TGFBR3: variants seen among roughly 807,000 people sequenced by gnomAD.
TGFBR3 encodes the protein transforming growth factor beta receptor 3, also known as transforming growth factor beta receptor type 3.
Under a neutral mutation model 87.9 loss-of-function variants are expected in TGFBR3, and 46 were observed. The ratio of observed to expected loss-of-function variants is 0.52; its 90% CI spans 0.41 to 0.67. The LOEUF is 0.67. TGFBR3 is among the 30% of genes least tolerant of loss of function. The pLI, the probability that TGFBR3 is intolerant of heterozygous loss-of-function variation, is 0.00. For synonymous variants in TGFBR3, 381 were observed against 391.6 expected (o/e 0.97, Z 0.32); for missense variants, 866 against 1,041.9 (o/e 0.83, Z 2.32).
intron 1 of TGFBR3, among the ~76,000 whole-genome samples, chr1:91,904,186 A>G (rs1159451132): frequency 6.6e-6 from 1 of 152,170 alleles, no homozygotes; most frequent in East Asian, 1.9e-4. Context: ...TGTCTCAAAA[A>G]ACTATAGTAA....
chr1:91,685,415 C>G (rs561215582), intron 16 of TGFBR3, among the ~76,000 whole-genome samples: 5 of 151,384 alleles, frequency 3.3e-5, no homozygotes, highest in Non-Finnish European at 7.4e-5. Flanking sequence ...CTCCACCCCC[C>G]GGGTTCAAGC....
At chr1:91,873,621 CCT>C (rs1246597527) in intron 1 of TGFBR3, among the ~76,000 whole-genome samples, 1 of 152,076 alleles carries the variant, frequency 6.6e-6, no homozygotes, top group Admixed American at 6.5e-5. Context: ...TTTTTAATGC[CCT>C]GAGTGCACCT....
At chr1:91,791,116 T>G (rs1016603201) in intron 3 of TGFBR3, among the ~76,000 whole-genome samples, 1 of 152,230 alleles carries the variant, frequency 6.6e-6, no homozygotes, top group Non-Finnish European at 1.5e-5. Flanking sequence ...GTCTGAATAC[T>G]GAAGCTCTTG....
At chr1:91,687,244 AG>A (rs1254021394) in intron 16 of TGFBR3, among the ~76,000 whole-genome samples, 1 of 152,226 alleles carries the variant, frequency 6.6e-6, no homozygotes, top group Non-Finnish European at 1.5e-5. Context: ...TCCTGAGGCC[AG>A]GAGTTAGAGA....
At chr1:91,699,720 G>A (rs566632327) in intron 14 of TGFBR3, among the ~76,000 whole-genome samples, 4 of 152,280 alleles carry the variant, frequency 2.6e-5, no homozygotes, top group Non-Finnish European at 4.4e-5. Flanking sequence ...CGTGTGACTA[G>A]AGCCCAAGGT....
At chr1:91,842,379 C>T (rs1677319462) in intron 2 of TGFBR3, among the ~76,000 whole-genome samples, 1 of 152,134 alleles carries the variant, frequency 6.6e-6, no homozygotes. Context: ...ATGAGGAAAA[C>T]TACCAATACA....
intron 2 of TGFBR3, among the ~76,000 whole-genome samples, chr1:91,859,908 CAA>C (rs544117317): frequency 0.021 from 1,801 of 85,502 alleles, 47 homozygotes; most frequent in African/African-American, 0.072. Context: ...GACTCCATCT[CAA>C]AAAAAAAAAA....
chr1:91,715,712 A>G (rs1672140335), intron 12 of TGFBR3, among the ~76,000 whole-genome samples: 1 of 152,236 alleles, frequency 6.6e-6, no homozygotes, highest in East Asian at 1.9e-4. Context: ...TGATCTAGAA[A>G]AAAAAATGTC....
At chr1:91,698,908 C>T (rs1557663106) in intron 14 of TGFBR3, among the ~76,000 whole-genome samples, 1 of 152,156 alleles carries the variant, frequency 6.6e-6, no homozygotes, top group Admixed American at 6.5e-5. Flanking sequence ...CTTCATTGCT[C>T]ATCAGGATTA....
At position 91,682,404 on chromosome 1, in the gene TGFBR3, C is replaced by CTTTTTTT. The variant is rs59188054; in HGVS notation, c.*1328_*1334dup. The CTTTTTTT allele has an allele frequency of 1.1e-4, 37 of 347,384 alleles. No individual in the cohort carries two copies. Among genetic ancestry groups the CTTTTTTT allele is most frequent in the East Asian group, 5.6e-4 (7 of 12,500 alleles). 21.5% of individuals were successfully genotyped at this position (347,384 alleles called of 1,614,324 possible). On this transcript the variant is annotated 3_prime_UTR_variant, in exon 17 of 17. Coordinates refer to ENST00000212355, the MANE Select transcript of TGFBR3 (RefSeq NM_003243.5). ...AGCATGATAATTCCCCCCTGGCATT[C>CTTTTTTT]TTTTTTTTTTTTTTTTTTTTTAACA...
intron 13 of TGFBR3, among the ~76,000 whole-genome samples, chr1:91,711,424 T>C (rs1354889402): frequency 6.6e-6 from 1 of 152,232 alleles, no homozygotes; most frequent in Non-Finnish European, 1.5e-5. Flanking sequence ...GTGAGTTAAA[T>C]GAGAAAATTC....
intron 2 of TGFBR3, among the ~76,000 whole-genome samples, chr1:91,805,860 T>C (rs1675808190): frequency 6.6e-6 from 1 of 152,188 alleles, no homozygotes; most frequent in African/African-American, 2.4e-5. Flanking sequence ...CATGAGAGGC[T>C]AAGAAACACA....
intron 1 of TGFBR3, among the ~76,000 whole-genome samples, chr1:91,870,639 C>T (rs1170653434): frequency 6.6e-6 from 1 of 152,134 alleles, no homozygotes. Context: ...ATTTAATCTT[C>T]TCAACAATAC....
At chr1:91,742,067 C>T (rs1301874090) in intron 4 of TGFBR3, among the ~76,000 whole-genome samples, 1 of 152,174 alleles carries the variant, frequency 6.6e-6, no homozygotes, top group Admixed American at 6.5e-5. Context: ...TTTTTACACC[C>T]TGCACCCTGC....
intron 16 of TGFBR3, among the ~76,000 whole-genome samples, chr1:91,689,672 A>G (rs1671205016): frequency 6.6e-6 from 1 of 152,166 alleles, no homozygotes; most frequent in East Asian, 1.9e-4. Context: ...GAACAGGAAG[A>G]AAAGAGTGAA....
chr1:91,838,896 C>G (rs1393083666), intron 2 of TGFBR3, among the ~76,000 whole-genome samples: 1 of 152,162 alleles, frequency 6.6e-6, no homozygotes, highest in Non-Finnish European at 1.5e-5. Flanking sequence ...ATACATTGTT[C>G]TGGTTGAAGG....
rs550924008 is a variant in TGFBR3, at chr1:91,802,443, C to T, written c.62-4972G>A. On this transcript the variant is annotated intron_variant, in intron 2 of 16. Transcript: ENST00000212355. ...TGACGCGCTCTCAGCTCACTGCAGC[C>T]TCCACTCCCCAGGTTCAAGCGATTC... Among the ~76,000 whole-genome samples the T allele has an allele frequency of 2.1e-3, 322 of 152,096 alleles. 1 individual carries two copies. Among genetic ancestry groups the T allele is most frequent in the African/African-American group, 7.4e-3 (306 of 41,454 alleles).
chr1:91,732,251 C>A (rs1196239367), intron 5 of TGFBR3, among the ~76,000 whole-genome samples: 2 of 152,118 alleles, frequency 1.3e-5, no homozygotes, highest in Non-Finnish European at 2.9e-5. Flanking sequence ...GCAAGACCAG[C>A]TGGGATAAGA....
chr1:91,698,188 G>A, intron 14 of TGFBR3, 58 bp from the exon 15 acceptor site: 1 of 1,435,318 alleles, frequency 7.0e-7, no homozygotes, highest in Non-Finnish European at 9.8e-7. Context: ...TTAAGCAAAG[G>A]GTCATCAAAG....
Sources: allele counts gnomAD v4.1 joint callset (sites outside exome capture counted in the v4.1 genomes callset), GRCh38; gene constraint gnomAD v4.1.1; transcripts MANE v1.5; gene names NCBI Gene and HGNC (gene_info 2026-07-23, HGNC 2026-07-21).